BRAF: variants seen among roughly 807,000 people sequenced by gnomAD.
The protein encoded by BRAF is serine/threonine-protein kinase B-raf.
BRAF carries 16 observed loss-of-function variants against 104.6 expected under a neutral mutation model. The ratio of observed to expected loss-of-function variants is 0.15; its 90% confidence interval spans 0.10 to 0.23. BRAF has a LOEUF of 0.23. BRAF is among the 10% of genes least tolerant of loss of function. The pLI is 1.00. For missense variants in BRAF, 541 were observed against 937.3 expected, an observed-to-expected ratio of 0.58 and a Z score of 5.52; for synonymous variants, 310 against 341.6, an observed-to-expected ratio of 0.91 and a Z score of 1.02.
chr7:140,785,168 T>C (rs942197757), intron 10 of BRAF, among the ~76,000 whole-genome samples: 49 of 152,264 alleles, frequency 3.2e-4, no homozygotes, highest in Non-Finnish European at 2.5e-4. Context: ...ACATCCCATA[T>C]TGGGGGAAAG....
intron 1 of BRAF, among the ~76,000 whole-genome samples, chr7:140,878,061 C>CAA (rs911303564): frequency 1.3e-5 from 2 of 151,500 alleles, no homozygotes; most frequent in Admixed American, 6.6e-5. Flanking sequence ...AAAGACTGTA[C>CAA]AAAAAAGAAA....
At chr7:140,911,599 G>A (rs1816987983) in intron 1 of BRAF, among the ~76,000 whole-genome samples, 2 of 152,286 alleles carry the variant, frequency 1.3e-5, no homozygotes, top group South Asian at 2.1e-4. Flanking sequence ...AGGTTTGGAG[G>A]GTGGGATGGG....
Position 140,783,130 on chromosome 7 carries a change from G to C in BRAF, c.1325C>G (p.Pro442Arg), listed in dbSNP as rs199927105. 15 of 1,613,924 alleles carry C rather than the reference G, an allele frequency of 9.3e-6. No individual in the cohort carries two copies. Among genetic ancestry groups the C allele is most frequent in the African/African-American group, 2.7e-5 (2 of 74,884 alleles). ...RGSTTGLSATPPASLPGSLTN... is the reference protein window; with the variant it reads ...RGSTTGLSATRPASLPGSLTN... ...TAGTGAGCCAGGTAATGAGGCAGGG[G>C]GGGTAGCAGACAAACCTGTGGTTGA... The change falls in exon 11 of 20, where the codon CCC (proline) becomes CGC (arginine). Residue 442 changes from proline to arginine, a missense_variant. Pro to Arg is a moderately radical substitution (Grantham distance 103, BLOSUM62 -2). Transcript: ENST00000644969.
intron 1 of BRAF, among the ~76,000 whole-genome samples, chr7:140,858,682 G>A (rs774557635): frequency 2.0e-5 from 3 of 152,138 alleles, no homozygotes; most frequent in Non-Finnish European, 2.9e-5. Flanking sequence ...CATATCAGAT[G>A]TAAGATGATA....
intron 1 of BRAF, among the ~76,000 whole-genome samples, chr7:140,896,020 A>G (rs1814849442): frequency 6.6e-6 from 1 of 152,188 alleles, no homozygotes; most frequent in South Asian, 2.1e-4. Context: ...AGAGCGTCCA[A>G]GAGTTCTCTT....
Position 140,798,661 on chromosome 7 carries a change from T to G in BRAF, c.980+1701A>C, listed in dbSNP as rs548351408. Among the ~76,000 whole-genome samples the G allele has an allele frequency of 9.4e-5, 14 of 148,888 alleles. No homozygotes were observed. In the South Asian group the frequency reaches 2.8e-3, roughly 30 times the overall value. On this transcript the variant is annotated intron_variant, in intron 7 of 19. Transcript: ENST00000644969. ...AGAGTACACAGACCTGTGTCAGAAATGTTCCAAAGCTAATTAGGTGCAGTG... is the reference window on the plus strand; with the variant it reads ...AGAGTACACAGACCTGTGTCAGAAAGGTTCCAAAGCTAATTAGGTGCAGTG...
rs946662904 is a variant in BRAF at position 140,764,020 on chromosome 7, T to C, written c.1815-9787A>G. Reference sequence around the variant, plus strand: ...AAAAGAGAATTTTAGACCGATATCCTTGATGAACATTGATGCAAAAATCCT... The same window carrying C: ...AAAAGAGAATTTTAGACCGATATCCCTGATGAACATTGATGCAAAAATCCT... On this transcript the variant is annotated intron_variant, in intron 14 of 19. Transcript: ENST00000644969. Among the ~76,000 whole-genome samples the C allele has an allele frequency of 3.5e-4, 53 of 152,276 alleles. 1 individual carries two copies. Among genetic ancestry groups the C allele is most frequent in the African/African-American group, 1.2e-3 (49 of 41,550 alleles).
intron 14 of BRAF, among the ~76,000 whole-genome samples, chr7:140,765,368 C>G (rs1402611536): frequency 6.6e-6 from 1 of 151,992 alleles, no homozygotes; most frequent in African/African-American, 2.4e-5. Context: ...CTAGGCATTA[C>G]CATTCAGGAC....
At chr7:140,862,137 A>G (rs2129084221) in intron 1 of BRAF, among the ~76,000 whole-genome samples, 1 of 152,376 alleles carries the variant, frequency 6.6e-6, no homozygotes, top group East Asian at 1.9e-4. Flanking sequence ...ATCACAAGAC[A>G]CTATGAATAT....
chr7:140,736,221 C>T lies in BRAF; in HGVS notation c.2248-1451G>A, dbSNP rs571738462. ...GAGTAGCTGGGATCACAGGCGTGTG[C>T]CACCACGCCCGGATAATTTTGTATT... On this transcript the variant is annotated intron_variant, in intron 18 of 19. Coordinates refer to ENST00000644969, the MANE Select transcript of BRAF (RefSeq NM_001374258.1). 4.0e-5 allele frequency among the ~76,000 whole-genome samples: 6 copies of T among 151,170 alleles called. No homozygotes were observed. In the South Asian group the frequency reaches 8.4e-4, roughly 21 times the overall value.
intron 18 of BRAF, among the ~76,000 whole-genome samples, chr7:140,736,669 C>T (rs532617156): frequency 5.4e-4 from 82 of 151,614 alleles, no homozygotes; most frequent in Non-Finnish European, 1.5e-4. Flanking sequence ...TCAGGTGATC[C>T]GCCTGCCTCG....
At chr7:140,828,377 T>C (rs1045596961) in intron 3 of BRAF, among the ~76,000 whole-genome samples, 4 of 152,236 alleles carry the variant, frequency 2.6e-5, no homozygotes, top group Non-Finnish European at 5.9e-5. Context: ...TATGCTTTTC[T>C]GGTTTTTTCA....
chr7:140,907,087 C>G (rs1255591146), intron 1 of BRAF, among the ~76,000 whole-genome samples: 1 of 152,142 alleles, frequency 6.6e-6, no homozygotes, highest in Non-Finnish European at 1.5e-5. Flanking sequence ...CTCTTTACCT[C>G]TCTTCAATAT....
intron 1 of BRAF, among the ~76,000 whole-genome samples, chr7:140,868,488 C>T (rs1811215512): frequency 6.6e-6 from 1 of 151,968 alleles, no homozygotes; most frequent in Non-Finnish European, 1.5e-5. Flanking sequence ...AAAAACCACA[C>T]AGTGTATGAT....
At position 140,736,174 on chromosome 7, in the gene BRAF, G is replaced by A. The variant is rs567635630; in HGVS notation, c.2248-1404C>T. 6.6e-5 allele frequency among the ~76,000 whole-genome samples: 10 copies of A among 151,106 alleles called. No homozygotes were observed. In the South Asian group the frequency reaches 1.7e-3, roughly 25 times the overall value. On this transcript the variant is annotated intron_variant, in intron 18 of 19. Transcript: ENST00000644969. The stretch of plus-strand genomic sequence containing the variant: ...CAACCTCCGCCTCCCAGGTTCAAGC[G>A]ATTCTCCTGCCTCAGCCTCCCGAGT...
chr7:140,762,454 C>G (rs200637113), intron 14 of BRAF, among the ~76,000 whole-genome samples: 1 of 151,984 alleles, frequency 6.6e-6, no homozygotes, highest in African/African-American at 2.4e-5. Context: ...TCCAAAATTG[C>G]CACCCTAACA....
chr7:140,811,783 T>C (rs2129049825), intron 3 of BRAF, among the ~76,000 whole-genome samples: 1 of 152,026 alleles, frequency 6.6e-6, no homozygotes, highest in East Asian at 1.9e-4. Context: ...TACAGAGGGG[T>C]TTTTTGGCTC....
At position 140,725,774 on chromosome 7, in the gene BRAF, C is replaced by G. The variant is rs1371409642; in HGVS notation, c.*720G>C. 24 of 1,061,896 alleles carry G rather than the reference C, an allele frequency of 2.3e-5. No homozygotes were observed. The highest frequency in any genetic ancestry group is 2.6e-5 in the Non-Finnish European group (23 of 877,282). 65.8% of individuals were successfully genotyped at this position (1,061,896 alleles called of 1,614,324 possible). On this transcript the variant is annotated 3_prime_UTR_variant, in exon 20 of 20. Transcript: ENST00000644969. ...AGAAGGCAATGTGTGCCAGCACTAT[C>G]TAGCCTGCTTGGTTAGACAGACCCC...
intron 14 of BRAF, among the ~76,000 whole-genome samples, chr7:140,769,579 A>G (rs760325537): frequency 1.5e-4 from 23 of 152,220 alleles, no homozygotes; most frequent in Non-Finnish European, 2.8e-4. Context: ...CTTAACATTA[A>G]TATTTTAAAG....
Sources: gnomAD v4.1 joint callset for allele counts (sites outside exome capture counted in the v4.1 genomes callset) on GRCh38, gnomAD v4.1.1 for gene constraint, MANE v1.5 for transcripts, NCBI Gene and HGNC (gene_info 2026-07-23, HGNC 2026-07-21) for gene names.